VWDE: variants seen among roughly 807,000 people sequenced by gnomAD.
VWDE encodes the protein von Willebrand factor D and EGF domain-containing protein.
VWDE carries 207 observed loss-of-function variants against 178.4 expected under a neutral mutation model. That is an observed-to-expected ratio of 1.16 (90% CI 1.04 to 1.30). The LOEUF is 1.30. Ranked by LOEUF, VWDE falls within the 50% of genes most tolerant of loss-of-function variation. The probability of loss-of-function intolerance (pLI) is 0.00; values close to 1 mark genes in which losing one functional copy is unlikely to be tolerated. For missense variants in VWDE, 2,287 were observed against 1,901.3 expected, an observed-to-expected ratio of 1.20 and a Z score of -3.77; for synonymous variants, 738 against 651.4, an observed-to-expected ratio of 1.13 and a Z score of -2.02.
At chr7:12,357,645 C>T in intron 16 of VWDE, 130 bp from the exon 17 acceptor site, 1 of 1,048,152 alleles carries the variant, frequency 9.5e-7, no homozygotes, top group Non-Finnish European at 1.3e-6. Flanking sequence ...TAGCTGCTTT[C>T]ATTTTTTTTT....
intron 1 of VWDE, among the ~76,000 whole-genome samples, chr7:12,398,430 T>C (rs1373413502): frequency 1.3e-5 from 2 of 152,156 alleles, no homozygotes; most frequent in African/African-American, 2.4e-5. Flanking sequence ...CATGATTGCT[T>C]AACTGATCAT....
chr7:12,373,891 T>G (rs1783358014), intron 9 of VWDE, among the ~76,000 whole-genome samples: 1 of 152,276 alleles, frequency 6.6e-6, no homozygotes, highest in African/African-American at 2.4e-5. Context: ...CGTAAAGGAT[T>G]CTTGCCCGTT....
chr7:12,374,894 T>G, intron 8 of VWDE, 116 bp downstream of exon 8: 1 of 1,206,966 alleles, frequency 8.3e-7, no homozygotes, highest in Non-Finnish European at 1.1e-6. Context: ...AATTGAATCA[T>G]TTAAAAACTA....
chr7:12,355,142 C>A (rs73298516), intron 18 of VWDE, among the ~76,000 whole-genome samples: 2,433 of 152,136 alleles, frequency 0.016, 58 homozygotes, highest in African/African-American at 0.055. Context: ...TTTTAAAATG[C>A]TGAAGAGGTC....
At chr7:12,338,081 A>G (rs1583271943) in intron 24 of VWDE, among the ~76,000 whole-genome samples, 2 of 152,088 alleles carry the variant, frequency 1.3e-5, no homozygotes, top group African/African-American at 4.8e-5. Context: ...AACTGGTATT[A>G]ATAACAGGAC....
chr7:12,358,755 T>C (rs1054159613), intron 16 of VWDE, among the ~76,000 whole-genome samples: 1 of 152,210 alleles, frequency 6.6e-6, no homozygotes, highest in African/African-American at 2.4e-5. Context: ...AGTCAAACTA[T>C]AGCCATTGAC....
At chr7:12,364,245 C>G (rs1223523124) in intron 13 of VWDE, among the ~76,000 whole-genome samples, 1 of 152,022 alleles carries the variant, frequency 6.6e-6, no homozygotes. Context: ...CATAGATTTT[C>G]TAACTGTATC....
At chr7:12,364,355 C>G (rs1421729665) in intron 13 of VWDE, among the ~76,000 whole-genome samples, 1 of 152,066 alleles carries the variant, frequency 6.6e-6, no homozygotes, top group African/African-American at 2.4e-5. Flanking sequence ...AATGGAACTA[C>G]AGTCTTTAGA....
intron 19 of VWDE, among the ~76,000 whole-genome samples, chr7:12,348,231 T>G: frequency 6.8e-6 from 1 of 146,492 alleles, no homozygotes. Flanking sequence ...AAATGGGATC[T>G]AATTAAACTA....
intron 3 of VWDE, among the ~76,000 whole-genome samples, chr7:12,386,455 G>T (rs1027772920): frequency 6.6e-6 from 1 of 152,140 alleles, no homozygotes; most frequent in Admixed American, 6.6e-5. Flanking sequence ...ATTGCACACA[G>T]AACAAAACGC....
intron 7 of VWDE, among the ~76,000 whole-genome samples, chr7:12,376,369 T>G (rs748447323): frequency 1.3e-4 from 20 of 152,040 alleles, no homozygotes; most frequent in Non-Finnish European, 2.8e-4. Flanking sequence ...ATGAGGGGTA[T>G]CCAGAATGAA....
intron 19 of VWDE, among the ~76,000 whole-genome samples, chr7:12,347,590 C>A (rs1383738051): frequency 6.6e-6 from 1 of 151,970 alleles, no homozygotes; most frequent in Admixed American, 6.6e-5. Context: ...TATATCTCAA[C>A]ATATAAGGGA....
chr7:12,338,774 A>C (rs1237282109), intron 24 of VWDE, among the ~76,000 whole-genome samples: 1 of 152,156 alleles, frequency 6.6e-6, no homozygotes, highest in Non-Finnish European at 1.5e-5. Flanking sequence ...GGTGAAGCAA[A>C]TTGGAAGGTG....
At chr7:12,343,959 T>C (rs972514049) in intron 21 of VWDE, among the ~76,000 whole-genome samples, 4 of 152,108 alleles carry the variant, frequency 2.6e-5, no homozygotes, top group Non-Finnish European at 5.9e-5. Context: ...AGGGTAATTT[T>C]ACCAATAACA....
chr7:12,335,822 T>G (rs1316218934), intron 27 of VWDE, among the ~76,000 whole-genome samples: 2 of 152,194 alleles, frequency 1.3e-5, no homozygotes, highest in Non-Finnish European at 2.9e-5. Context: ...GTATTTATCT[T>G]ATAATATGAA....
Position 12,333,575 on chromosome 7 carries a change from T to G in VWDE, c.4655-7A>C. On this transcript the variant is annotated splice_polypyrimidine_tract_variant and splice_region_variant and intron_variant, in intron 27 of 28. Transcript: ENST00000275358. ...CATTTTGGGTTGCAAATTGCTGCAA[T>G]ACACAAATTTTTACAATGACCATCC... 8.4e-6 allele frequency: 13 copies of G among 1,540,504 alleles called. No homozygotes were observed. The highest frequency in any genetic ancestry group is 1.1e-5 in the Non-Finnish European group (13 of 1,137,032).
chr7:12,368,487 C>A (rs1319055867), intron 12 of VWDE, among the ~76,000 whole-genome samples: 1 of 152,018 alleles, frequency 6.6e-6, no homozygotes, highest in Non-Finnish European at 1.5e-5. Flanking sequence ...TGCAAAGACC[C>A]TGAGGTGGAA....
chr7:12,375,117 C>T lies in VWDE; in HGVS notation c.1135G>A (p.Ala379Thr). The change falls in exon 8 of 29, where the codon GCT (alanine) becomes ACT (threonine). Residue 379 changes from alanine (A) to threonine (T), a missense_variant. Transcript: ENST00000275358. ...TCSHTFVYYT[A>T]VTDFSRDGDR... ...CCATCTCGAGAAAAATCTGTGACAG[C>T]AGTGTAGTACACAAAAGTGTGGCTA... 1 of 1,551,188 alleles carries T rather than the reference C, an allele frequency of 6.4e-7. No individual in the cohort carries two copies. The highest frequency in any genetic ancestry group is 8.7e-7 in the Non-Finnish European group (1 of 1,146,640).
At chr7:12,389,502 G>A in intron 2 of VWDE, 144 bp from the exon 3 acceptor site, 1 of 605,120 alleles carries the variant, frequency 1.7e-6, no homozygotes, top group South Asian at 2.5e-5. Flanking sequence ...TTCTATACAA[G>A]GAAAAGTAGT....
Sources: gnomAD v4.1 joint callset for allele counts (sites outside exome capture counted in the v4.1 genomes callset) on GRCh38, gnomAD v4.1.1 for gene constraint, MANE v1.5 for transcripts, NCBI Gene and HGNC (gene_info 2026-07-23, HGNC 2026-07-21) for gene names.